Variants in IL1RAPL1 observed in about 807,000 individuals in gnomAD.
IL1RAPL1 encodes interleukin 1 receptor accessory protein like 1, also known as interleukin-1 receptor accessory protein-like 1.
In IL1RAPL1, 3 loss-of-function variants were observed where a neutral mutation model predicts 48.4. That is an observed-to-expected ratio of 0.06 (90% confidence interval 0.03 to 0.16). The LOEUF (loss-of-function observed/expected upper bound fraction) is 0.16. Ranked by LOEUF, IL1RAPL1 falls within the 10% of genes least tolerant of loss-of-function variation. The probability of loss-of-function intolerance (pLI) is 1.00; values close to 1 mark genes in which losing one functional copy is unlikely to be tolerated. For missense variants in IL1RAPL1, 349 were observed against 530.6 expected (o/e 0.66, Z 3.36); for synonymous variants, 185 against 187.7 (o/e 0.99, Z 0.12).
At chrX:29,081,025 T>TCTCTCTCTCTC (rs56240244) in intron 2 of IL1RAPL1, among the ~76,000 whole-genome samples, 13 of 44,615 alleles carry the variant, frequency 2.9e-4, no homozygotes, top group African/African-American at 3.8e-4. Flanking sequence ...TCTCTCTTTC[T>TCTCTCTCTCTC]TTTCTTTTCT....
intron 2 of IL1RAPL1, among the ~76,000 whole-genome samples, chrX:29,271,139 T>C (rs1932034947): frequency 8.9e-6 from 1 of 111,771 alleles, no homozygotes; most frequent in Non-Finnish European, 1.9e-5. Context: ...CCTGCATTAG[T>C]TTGCTTAGGA....
intron 2 of IL1RAPL1, among the ~76,000 whole-genome samples, chrX:28,950,421 G>C (rs1401879013): frequency 1.2e-5 from 1 of 86,236 alleles, no homozygotes; most frequent in Non-Finnish European, 2.2e-5. Context: ...TTGGCGATGC[G>C]GGCTCTTTTT....
intron 2 of IL1RAPL1, among the ~76,000 whole-genome samples, chrX:28,821,243 G>T (rs368532337): frequency 1.8e-5 from 2 of 111,145 alleles, no homozygotes; most frequent in East Asian, 5.7e-4. Flanking sequence ...TATAAAAGTT[G>T]GAGAAGTTTC....
chrX:29,908,616 A>C (rs1053257725), intron 6 of IL1RAPL1, among the ~76,000 whole-genome samples: 4 of 111,411 alleles, frequency 3.6e-5, no homozygotes, highest in African/African-American at 1.3e-4. Flanking sequence ...TTACGTGATT[A>C]TATTTTGTTT....
intron 3 of IL1RAPL1, among the ~76,000 whole-genome samples, chrX:29,381,701 A>G (rs1230520393): frequency 2.0e-5 from 2 of 102,244 alleles, no homozygotes; most frequent in Non-Finnish European, 3.9e-5. Flanking sequence ...CTGCAGTCTC[A>G]GCTACTCAGG....
intron 6 of IL1RAPL1, among the ~76,000 whole-genome samples, chrX:29,904,346 T>C (rs1156939818): frequency 9.5e-6 from 1 of 105,638 alleles, no homozygotes; most frequent in East Asian, 2.8e-4. Flanking sequence ...GATAAAAATT[T>C]TATTGCTGAT....
intron 5 of IL1RAPL1, among the ~76,000 whole-genome samples, chrX:29,405,562 T>C (rs1484096740): frequency 9.8e-6 from 1 of 101,941 alleles, no homozygotes; most frequent in African/African-American, 4.2e-5. Context: ...GAGACGGGGT[T>C]TCACCGTTTT....
chrX:29,058,059 A>C (rs890676290), intron 2 of IL1RAPL1, among the ~76,000 whole-genome samples: 2 of 111,137 alleles, frequency 1.8e-5, no homozygotes, highest in African/African-American at 6.6e-5. Flanking sequence ...GTCCATGAAA[A>C]ATGACTGAAA....
In IL1RAPL1 at chrX:29,350,191, T is replaced by TTATATATATATATATATATATA. The variant is rs397897010; in HGVS notation, c.363-46055_363-46034dup. 8.6e-4 allele frequency among the ~76,000 whole-genome samples: 34 copies of TTATATATATATATATATATATA among 39,408 alleles called. 2 individuals are homozygous for TTATATATATATATATATATATA. The highest frequency in any genetic ancestry group is 5.1e-3 in the African/African-American group (29 of 5,736). 34.2% of individuals were successfully genotyped at this position (39,408 alleles called of 115,157 possible). A position where few individuals can be genotyped will look rare whatever the true frequency, so the allele number is the denominator to read the frequency against. On this transcript the variant is annotated intron_variant, in intron 3 of 10. Coordinates refer to ENST00000378993, the MANE Select transcript of IL1RAPL1 (RefSeq NM_014271.4). ...CTCCCTTGGTCTACATACTGTTATTTTATATATATATATATATATATATAT... is the reference window on the plus strand; with the variant it reads ...CTCCCTTGGTCTACATACTGTTATTTTATATATATATATATATATATATATATATATATATATATATATATAT...
chrX:29,258,908 G>C (rs1309255531), intron 2 of IL1RAPL1, among the ~76,000 whole-genome samples: 1 of 111,309 alleles, frequency 9.0e-6, no homozygotes, highest in African/African-American at 3.3e-5. Context: ...ATAAATGCAG[G>C]GATGCAAACT....
At chrX:29,405,608 C>T (rs1443080067) in intron 5 of IL1RAPL1, among the ~76,000 whole-genome samples, 3 of 105,878 alleles carry the variant, frequency 2.8e-5, no homozygotes, top group Non-Finnish European at 5.7e-5. Context: ...CCTCGTGATC[C>T]ACCCGCCTCG....
At chrX:29,217,756 TTCTCTCTCTC>T (rs752532448) in intron 2 of IL1RAPL1, among the ~76,000 whole-genome samples, 3 of 88,137 alleles carry the variant, frequency 3.4e-5, no homozygotes, top group African/African-American at 1.3e-4. Context: ...TATACATTTT[TTCTCTCTCTC>T]TCTCTCTCTC....
chrX:28,958,969 G>C (rs1174472161), intron 2 of IL1RAPL1, among the ~76,000 whole-genome samples: 1 of 111,220 alleles, frequency 9.0e-6, no homozygotes, highest in Non-Finnish European at 1.9e-5. Flanking sequence ...AGAGAAAAAA[G>C]ATCTGAAGAT....
intron 3 of IL1RAPL1, among the ~76,000 whole-genome samples, chrX:29,388,330 T>C (rs984569243): frequency 9.9e-6 from 1 of 100,827 alleles, no homozygotes; most frequent in African/African-American, 3.6e-5. Context: ...ACTGAAATGT[T>C]CAGAAAAGGA....
intron 3 of IL1RAPL1, among the ~76,000 whole-genome samples, chrX:29,382,941 A>T (rs1018337554): frequency 8.9e-6 from 1 of 112,313 alleles, no homozygotes; most frequent in Non-Finnish European, 1.9e-5. Flanking sequence ...GAGATTAAAT[A>T]GGAAGAGTTA....
chrX:29,667,375 C>A (rs1377185905), intron 5 of IL1RAPL1, among the ~76,000 whole-genome samples: 2 of 112,415 alleles, frequency 1.8e-5, no homozygotes, highest in Non-Finnish European at 3.8e-5. Context: ...ATGTGGCCAA[C>A]TCTTGGCAAT....
chrX:29,913,118 C>A (rs1208209133), intron 6 of IL1RAPL1, among the ~76,000 whole-genome samples: 1 of 111,306 alleles, frequency 9.0e-6, no homozygotes, highest in Non-Finnish European at 1.9e-5. Context: ...AACACTAAGG[C>A]CCCTGGTTAG....
intron 2 of IL1RAPL1, among the ~76,000 whole-genome samples, chrX:28,811,287 A>G (rs1372562223): frequency 9.0e-6 from 1 of 111,082 alleles, no homozygotes; most frequent in Non-Finnish European, 1.9e-5. Context: ...AATGGGGCAT[A>G]ATAAAGTTGC....
At chrX:29,214,248 G>A (rs189807377) in intron 2 of IL1RAPL1, among the ~76,000 whole-genome samples, 96 of 111,378 alleles carry the variant, frequency 8.6e-4, no homozygotes, top group African/African-American at 2.3e-3. Flanking sequence ...TTTGACCATG[G>A]CTTGTTATTC....
Sources: gnomAD v4.1 joint callset for allele counts (sites outside exome capture counted in the v4.1 genomes callset) on GRCh38, gnomAD v4.1.1 for gene constraint, MANE v1.5 for transcripts, NCBI Gene and HGNC (gene_info 2026-07-23, HGNC 2026-07-21) for gene names.